The following MCM9 variants were observed in gnomAD, a reference collection of about 807,000 sequenced individuals.
MCM9 encodes the protein minichromosome maintenance 9 homologous recombination repair factor.
A neutral mutation model predicts 72.8 loss-of-function variants in MCM9; 55 were observed. The observed-to-expected ratio is 0.76, with a 90% CI of 0.61 to 0.95. The LOEUF is 0.95. Among genes scored for constraint, MCM9 ranks in the 40% least tolerant of loss-of-function variants. The pLI is 0.00. For missense variants in MCM9, 1,279 were observed against 1,377.0 expected, an observed-to-expected ratio of 0.93 and a Z score of 1.13; for synonymous variants, 480 against 503.4, an observed-to-expected ratio of 0.95 and a Z score of 0.62.
chr6:118,867,834 A>G (rs181844321), intron 8 of MCM9, among the ~76,000 whole-genome samples: 2 of 151,962 alleles, frequency 1.3e-5, no homozygotes, highest in Admixed American at 6.6e-5. Context: ...TACTCTAGTA[A>G]TACAATGGGG....
At chr6:118,889,476 G>GT (rs375480302) in intron 8 of MCM9, among the ~76,000 whole-genome samples, 11 of 151,926 alleles carry the variant, frequency 7.2e-5, no homozygotes, top group Non-Finnish European at 1.3e-4. Flanking sequence ...ACCGATTACT[G>GT]TTTTTTTTCC....
chr6:118,870,863 G>C (rs1232702338), intron 8 of MCM9, among the ~76,000 whole-genome samples: 1 of 151,402 alleles, frequency 6.6e-6, no homozygotes, highest in African/African-American at 2.4e-5. Flanking sequence ...AGAAGAATTA[G>C]GCAAATTTCT....
intron 8 of MCM9, among the ~76,000 whole-genome samples, chr6:118,889,164 G>A (rs148909296): frequency 1.6e-4 from 25 of 152,212 alleles, no homozygotes; most frequent in African/African-American, 5.5e-4. Context: ...TTTGCATGCC[G>A]GATTCAAAGC....
intron 9 of MCM9, among the ~76,000 whole-genome samples, chr6:118,840,737 CCCCCCT>C (rs1303259995): frequency 1.9e-5 from 2 of 104,152 alleles, no homozygotes; most frequent in African/African-American, 7.3e-5. Context: ...TCTCCTCCCC[CCCCCCT>C]TTTTTTTTTT....
At chr6:118,841,836 T>C (rs1342758724) in intron 9 of MCM9, among the ~76,000 whole-genome samples, 1 of 118,900 alleles carries the variant, frequency 8.4e-6, no homozygotes, top group African/African-American at 3.7e-5. Context: ...CTATCTTGCC[T>C]TTTTTTTTTT....
intron 5 of MCM9, chr6:118,918,081 T>C (rs1781110415): frequency 6.5e-6 from 2 of 307,768 alleles, no homozygotes; most frequent in Non-Finnish European, 1.2e-5. Context: ...CACAGTTACA[T>C]TGGATGAAAT....
intron 3 of MCM9, among the ~76,000 whole-genome samples, chr6:118,924,449 T>A (rs190609636): frequency 1.3e-5 from 2 of 152,272 alleles, no homozygotes; most frequent in African/African-American, 2.4e-5. Context: ...CTCAGTAGGA[T>A]CTAAAGTATA....
chr6:118,904,605 T>C (rs1780045596), intron 8 of MCM9, among the ~76,000 whole-genome samples: 1 of 152,240 alleles, frequency 6.6e-6, no homozygotes. Context: ...GCTCTTAGTC[T>C]AGTCTAACTC....
At chr6:118,818,919 G>A (rs912907287) in intron 13 of MCM9, among the ~76,000 whole-genome samples, 2 of 151,610 alleles carry the variant, frequency 1.3e-5, no homozygotes, top group Admixed American at 1.3e-4. Context: ...TGATGATTCA[G>A]CTCTCTATTA....
intron 8 of MCM9, among the ~76,000 whole-genome samples, chr6:118,883,970 A>G (rs1778450398): frequency 6.6e-6 from 1 of 152,250 alleles, no homozygotes; most frequent in South Asian, 2.1e-4. Flanking sequence ...CTGATTTTAA[A>G]AGCAATTGTA....
chr6:118,847,422 C>CAAAAAAAAAAAAA (rs368957444), intron 9 of MCM9, among the ~76,000 whole-genome samples: 3 of 113,882 alleles, frequency 2.6e-5, no homozygotes, highest in African/African-American at 3.6e-5. Flanking sequence ...CATGAATCTT[C>CAAAAAAAAAAAAA]AAAAAAAAAA....
Position 118,907,682 on chromosome 6 carries a change from G to A in MCM9, c.1150+3968C>T, listed in dbSNP as rs117626273. 254 of 1,255,176 alleles carry A rather than the reference G, an allele frequency of 2.0e-4. No individual in the cohort carries two copies. In the East Asian group the frequency reaches 3.7e-3, roughly 19 times the overall value. The allele number at this position is 1,255,176 out of a possible 1,614,324, so 77.8% of individuals were successfully genotyped here. On this transcript the variant is annotated intron_variant, in intron 8 of 13. Transcript: ENST00000619706. Reference sequence around the variant, plus strand: ...CACAGAACTATTTCCCTGAAATTCCGTAAGTACATAGTCAAAACACAATGT... The same window carrying A: ...CACAGAACTATTTCCCTGAAATTCCATAAGTACATAGTCAAAACACAATGT...
intron 1 of MCM9, among the ~76,000 whole-genome samples, chr6:118,933,223 G>C (rs927721284): frequency 2.0e-5 from 3 of 146,492 alleles, no homozygotes; most frequent in African/African-American, 8.3e-5. Context: ...TTTGGGGCCG[G>C]GCGCAGTGGC....
chr6:118,892,471 A>G (rs755658922), intron 8 of MCM9, among the ~76,000 whole-genome samples: 1 of 152,220 alleles, frequency 6.6e-6, no homozygotes, highest in Non-Finnish European at 1.5e-5. Context: ...TGTCGTTTTC[A>G]TGAGACTGAC....
intron 8 of MCM9, among the ~76,000 whole-genome samples, chr6:118,896,799 T>G (rs908215934): frequency 2.6e-5 from 4 of 151,594 alleles, no homozygotes; most frequent in Non-Finnish European, 5.9e-5. Context: ...ATATTACAGT[T>G]CTTTTAAAAA....
chr6:118,849,666 A>T (rs1776101086), intron 9 of MCM9, among the ~76,000 whole-genome samples: 1 of 151,812 alleles, frequency 6.6e-6, no homozygotes, highest in Admixed American at 6.6e-5. Flanking sequence ...GAGACTAAAA[A>T]CTCTCTAAGC....
intron 8 of MCM9, among the ~76,000 whole-genome samples, chr6:118,891,821 ATCTC>A (rs1290704517): frequency 6.6e-6 from 1 of 152,138 alleles, no homozygotes; most frequent in Non-Finnish European, 1.5e-5. Flanking sequence ...AGCCGATAAA[ATCTC>A]TCTCAGCCAT....
In MCM9 at chr6:118,843,652, ATATGTGTATATATATATGTATG is replaced by A. The variant is rs1562406997; in HGVS notation, c.1325+12697_1325+12718del. On this transcript the variant is annotated intron_variant, in intron 9 of 13. Coordinates refer to ENST00000619706, the MANE Select transcript of MCM9 (RefSeq NM_017696.3). ...AAAACAAAACAAAACATATATATAT[ATATGTGTATATATATATGTATG>A]TATATATATATGTGTATATATATAT... Among the ~76,000 whole-genome samples, 21 of 72,758 alleles carry A rather than the reference ATATGTGTATATATATATGTATG, an allele frequency of 2.9e-4. 1 individual carries two copies. The highest frequency in any genetic ancestry group is 9.4e-4 in the Admixed American group (6 of 6,362). 47.7% of individuals were successfully genotyped at this position (72,758 alleles called of 152,430 possible). A position where few individuals can be genotyped will look rare whatever the true frequency, so the allele number is the denominator to read the frequency against.
intron 9 of MCM9, among the ~76,000 whole-genome samples, chr6:118,842,717 A>G (rs1775460767): frequency 6.6e-6 from 1 of 152,064 alleles, no homozygotes; most frequent in South Asian, 2.1e-4. Flanking sequence ...AAGGGGTCTC[A>G]TTATGTTGCC....
Sources: gnomAD v4.1 joint callset for allele counts (sites outside exome capture counted in the v4.1 genomes callset) on GRCh38, gnomAD v4.1.1 for gene constraint, MANE v1.5 for transcripts, NCBI Gene and HGNC (gene_info 2026-07-23, HGNC 2026-07-21) for gene names.